Variants in DCAF1 observed in about 807,000 individuals in gnomAD.
The protein encoded by DCAF1 is DDB1 and CUL4 associated factor 1, also known as DDB1- and CUL4-associated factor 1.
In DCAF1, 15 loss-of-function variants were observed where a neutral mutation model predicts 128.0. The observed-to-expected ratio is 0.12, with a 90% CI of 0.08 to 0.18. The LOEUF is 0.18. Among genes scored for constraint, DCAF1 ranks in the 10% least tolerant of loss-of-function variants. The pLI is 1.00. For synonymous variants in DCAF1, 610 were observed against 603.0 expected (o/e 1.01, Z -0.17); for missense variants, 988 against 1,649.5 (o/e 0.60, Z 6.95).
chr3:51,422,361 A>G lies in DCAF1; in HGVS notation c.1918T>C (p.Leu640=). The G allele has an allele frequency of 1.3e-6, 1 of 758,784 alleles. No homozygotes were observed. The highest frequency in any genetic ancestry group is 2.5e-6 in the Non-Finnish European group (1 of 407,118). The allele number at this position is 758,784 out of a possible 1,614,324, so 47.0% of individuals were successfully genotyped here. The change falls in exon 14 of 25, where the codon TTG becomes CTG. Residue 640 remains leucine (L), a synonymous_variant. Coordinates refer to ENST00000684031, the MANE Select transcript of DCAF1 (RefSeq NM_001387579.1). ...LTVVPKIQLQ[L]AESVDVLDEA... is the part of the protein sequence containing the mutation. ...TCCAACACGTCCACTGATTCTGCCA[A>G]CTGGAGCTGGATTTTTGGCACCACA...
intron 9 of DCAF1, among the ~76,000 whole-genome samples, chr3:51,434,983 T>G (rs2107606828): frequency 6.6e-6 from 1 of 152,306 alleles, no homozygotes; most frequent in South Asian, 2.1e-4. Context: ...TGTAATTACA[T>G]GATATGATAT....
At chr3:51,432,544 C>T (rs1380227221) in intron 10 of DCAF1, among the ~76,000 whole-genome samples, 1 of 151,788 alleles carries the variant, frequency 6.6e-6, no homozygotes, top group African/African-American at 2.4e-5. Flanking sequence ...CTGCAACCTC[C>T]GCCTCCTGGG....
intron 6 of DCAF1, among the ~76,000 whole-genome samples, chr3:51,448,917 GTT>G (rs1354350315): frequency 6.7e-6 from 1 of 148,760 alleles, no homozygotes; most frequent in Non-Finnish European, 1.5e-5. Flanking sequence ...GTTCTTTTAT[GTT>G]TTTTTTTTCC....
intron 6 of DCAF1, among the ~76,000 whole-genome samples, chr3:51,453,858 C>A (rs1702600743): frequency 6.6e-6 from 1 of 151,536 alleles, no homozygotes; most frequent in Admixed American, 6.6e-5. Flanking sequence ...GAGACTGAAG[C>A]AGGAGAATTG....
rs931700089 is a variant in DCAF1, at chr3:51,483,645, G to A, written c.110+74C>T. 3.7e-5 allele frequency: 34 copies of A among 918,424 alleles called. No individual in the cohort carries two copies. In the Admixed American group the frequency reaches 5.9e-4, roughly 16 times the overall value. 56.9% of individuals were successfully genotyped at this position (918,424 alleles called of 1,614,324 possible). A position where few individuals can be genotyped will look rare whatever the true frequency, so the allele number is the denominator to read the frequency against. ...TGTGTGTGTGTGTGTGTGTGTGTGTGTATGAAGAAATCTAGCGTATGAGTT... is the reference window on the plus strand; with the variant it reads ...TGTGTGTGTGTGTGTGTGTGTGTGTATATGAAGAAATCTAGCGTATGAGTT... On this transcript the variant is annotated intron_variant, in intron 3 of 24. Coordinates refer to ENST00000684031, the MANE Select transcript of DCAF1 (RefSeq NM_001387579.1).
At chr3:51,449,012 A>T (rs1702125331) in intron 6 of DCAF1, among the ~76,000 whole-genome samples, 1 of 152,150 alleles carries the variant, frequency 6.6e-6, no homozygotes, top group South Asian at 2.1e-4. Flanking sequence ...TCAAAATGGA[A>T]TGAAACTAGA....
chr3:51,473,036 G>A (rs2108245014), intron 3 of DCAF1, among the ~76,000 whole-genome samples: 1 of 150,232 alleles, frequency 6.7e-6, no homozygotes, highest in Admixed American at 6.7e-5. Context: ...CAACACTTTG[G>A]GAAGCCAAGG....
chr3:51,405,751 T>C (rs1486473246), intron 23 of DCAF1, among the ~76,000 whole-genome samples: 1 of 152,186 alleles, frequency 6.6e-6, no homozygotes, highest in African/African-American at 2.4e-5. Context: ...GGAAGCAATT[T>C]TAGGTGCATT....
chr3:51,411,163 GAAA>G (rs1268364026), intron 23 of DCAF1, among the ~76,000 whole-genome samples: 1 of 58,836 alleles, frequency 1.7e-5, no homozygotes, highest in Non-Finnish European at 4.0e-5. Context: ...CTCCATCTCA[GAAA>G]AAAAAAAAAA....
intron 7 of DCAF1, among the ~76,000 whole-genome samples, chr3:51,442,907 C>T (rs1553639265): frequency 6.6e-6 from 1 of 152,140 alleles, no homozygotes. Context: ...GAACAATACA[C>T]ACTGGGGCCT....
chr3:51,456,491 G>A (rs2107928756), intron 6 of DCAF1, among the ~76,000 whole-genome samples: 1 of 152,336 alleles, frequency 6.6e-6, no homozygotes, highest in Admixed American at 6.5e-5. Context: ...TGGGGGCAGG[G>A]CACAGACAAA....
intron 9 of DCAF1, among the ~76,000 whole-genome samples, chr3:51,440,431 A>G (rs2107676488): frequency 6.6e-6 from 1 of 152,272 alleles, no homozygotes; most frequent in African/African-American, 2.4e-5. Context: ...CAACATAGCA[A>G]GACTATCTCT....
chr3:51,481,500 T>A (rs181234719), intron 3 of DCAF1, among the ~76,000 whole-genome samples: 217 of 152,052 alleles, frequency 1.4e-3, no homozygotes, highest in Non-Finnish European at 2.5e-3. Flanking sequence ...AAGACCAGCC[T>A]GGCCAACATG....
At chr3:51,479,555 G>A (rs1553651996) in intron 3 of DCAF1, among the ~76,000 whole-genome samples, 5 of 151,890 alleles carry the variant, frequency 3.3e-5, no homozygotes, top group East Asian at 1.9e-4. Flanking sequence ...TTGGGAGGCC[G>A]AGGTGGGCAG....
chr3:51,484,680 TTC>T (rs1461549517), intron 2 of DCAF1, among the ~76,000 whole-genome samples: 4 of 148,832 alleles, frequency 2.7e-5, no homozygotes, highest in Non-Finnish European at 4.4e-5. Flanking sequence ...GTTTAATTTT[TTC>T]TTTTTTTTTT....
chr3:51,455,937 T>C (rs1702853496), intron 6 of DCAF1, among the ~76,000 whole-genome samples: 2 of 151,258 alleles, frequency 1.3e-5, no homozygotes, highest in Non-Finnish European at 2.9e-5. Context: ...GGAGCCAAGA[T>C]GGCCGAATAG....
intron 21 of DCAF1, 92 bp downstream of exon 21, chr3:51,413,190 T>C: frequency 6.5e-7 from 1 of 1,542,726 alleles, no homozygotes. Context: ...TGTTTTTCAA[T>C]AAAAAATTAC....
intron 6 of DCAF1, among the ~76,000 whole-genome samples, chr3:51,450,198 TAAA>T (rs749042170): frequency 6.6e-6 from 1 of 152,054 alleles, no homozygotes; most frequent in Non-Finnish European, 1.5e-5. Flanking sequence ...TTAAATAAAA[TAAA>T]GAAGAATTAA....
chr3:51,398,934 T>C, intron 24 of DCAF1, 107 bp from the exon 25 acceptor site: 1 of 1,374,002 alleles, frequency 7.3e-7, no homozygotes, highest in Non-Finnish European at 9.9e-7. Context: ...CAAGGTTAAC[T>C]ACCAGTTTCC....
Sources: allele counts gnomAD v4.1 joint callset (sites outside exome capture counted in the v4.1 genomes callset), GRCh38; gene constraint gnomAD v4.1.1; transcripts MANE v1.5; gene names NCBI Gene and HGNC (gene_info 2026-07-23, HGNC 2026-07-21).